Variants in WFDC8 observed in about 807,000 individuals in gnomAD.
WFDC8 encodes WAP four-disulfide core domain 8.
A neutral mutation model predicts 27.0 loss-of-function variants in WFDC8; 24 were observed. The ratio of observed to expected loss-of-function variants is 0.89; its 90% confidence interval spans 0.64 to 1.25. The LOEUF is 1.25. Ranked by LOEUF, WFDC8 falls within the 50% of genes most tolerant of loss-of-function variation. The probability of loss-of-function intolerance (pLI) is 0.00; values close to 1 mark genes in which losing one functional copy is unlikely to be tolerated. For missense variants in WFDC8, 287 were observed against 295.9 expected (o/e 0.97, Z 0.22); for synonymous variants, 106 against 99.7 (o/e 1.06, Z -0.38).
chr20:45,569,776 G>C (rs190834925), intron 1 of WFDC8, among the ~76,000 whole-genome samples: 1 of 152,220 alleles, frequency 6.6e-6, no homozygotes, highest in East Asian at 1.9e-4. Flanking sequence ...CAAAGACATA[G>C]AATTGACCTA....
intron 2 of WFDC8, among the ~76,000 whole-genome samples, chr20:45,561,739 C>CGTGTGTGT (rs10534885): frequency 6.3e-4 from 93 of 147,848 alleles, no homozygotes; most frequent in South Asian, 3.8e-3. Flanking sequence ...ATTAAACTTG[C>CGTGTGTGT]GTGTGTGTGT....
intron 1 of WFDC8, among the ~76,000 whole-genome samples, chr20:45,567,390 C>A (rs1450449507): frequency 6.6e-6 from 1 of 152,122 alleles, no homozygotes; most frequent in Middle Eastern, 3.2e-3. Context: ...GCAAATACAG[C>A]CAAATACCAG....
chr20:45,564,530 C>T (rs113318797), intron 1 of WFDC8, among the ~76,000 whole-genome samples: 113 of 152,156 alleles, frequency 7.4e-4, no homozygotes, highest in African/African-American at 2.6e-3. Flanking sequence ...AAAAATTAAC[C>T]GGGCGTGGTG....
chr20:45,555,595 A>T, intron 4 of WFDC8, 106 bp downstream of exon 4: 1 of 1,301,298 alleles, frequency 7.7e-7, no homozygotes, highest in East Asian at 2.3e-5. Context: ...GACAGAGCTA[A>T]GTCTTGAACC....
At chr20:45,573,765 C>A (rs944377308) in intron 1 of WFDC8, among the ~76,000 whole-genome samples, 2 of 152,122 alleles carry the variant, frequency 1.3e-5, no homozygotes, top group Admixed American at 6.6e-5. Flanking sequence ...TTCCCAAGAC[C>A]ATTTATCAGA....
chr20:45,553,289 C>T lies in WFDC8; in HGVS notation c.446-13G>A. On this transcript the variant is annotated splice_polypyrimidine_tract_variant and intron_variant, in intron 4 of 5. Transcript: ENST00000289953. ...TGTCCATCCTTAACTAAAATAAGAG[C>T]AGATGTGAGCTTCTTAAAACCCCAC... is the stretch of plus-strand genomic sequence containing the variant. 6.2e-7 allele frequency: 1 copy of T among 1,607,978 alleles called. No individual in the cohort carries two copies. Among genetic ancestry groups the T allele is most frequent in the South Asian group, 1.1e-5 (1 of 90,184 alleles).
chr20:45,579,095 A>C, intron 1 of WFDC8, 127 bp downstream of exon 1: 376 of 755,526 alleles, frequency 5.0e-4, no homozygotes, highest in Non-Finnish European at 6.9e-4. Context: ...GTTCTGTGGA[A>C]CCCCTCCTCA....
chr20:45,561,875 CTATA>C (rs760419975), intron 2 of WFDC8, among the ~76,000 whole-genome samples: 1 of 151,806 alleles, frequency 6.6e-6, no homozygotes, highest in Admixed American at 6.6e-5. Flanking sequence ...TAGATGCAAA[CTATA>C]TATATAGTCT....
chr20:45,562,030 A>C, intron 2 of WFDC8, 80 bp downstream of exon 2: 1 of 1,323,156 alleles, frequency 7.6e-7, no homozygotes, highest in South Asian at 1.3e-5. Context: ...CTCATCTGAC[A>C]CTGGCACTGG....
At chr20:45,575,038 G>A (rs961000511) in intron 1 of WFDC8, among the ~76,000 whole-genome samples, 1 of 152,062 alleles carries the variant, frequency 6.6e-6, no homozygotes, top group African/African-American at 2.4e-5. Context: ...ACACAATAAA[G>A]GCCAGATATG....
chr20:45,566,288 TATTG>T (rs1489911576), intron 1 of WFDC8, among the ~76,000 whole-genome samples: 1 of 152,200 alleles, frequency 6.6e-6, no homozygotes, highest in Non-Finnish European at 1.5e-5. Context: ...TTAATCAAGC[TATTG>T]ATTAATAATT....
At position 45,555,740 on chromosome 20, in the gene WFDC8, A is replaced by G; in HGVS notation, c.406T>C (p.Leu136=). 6.2e-7 allele frequency: 1 copy of G among 1,612,948 alleles called. No individual in the cohort carries two copies. Among genetic ancestry groups the G allele is most frequent in the South Asian group, 1.1e-5 (1 of 91,018 alleles). The change falls in exon 4 of 6, where the codon TTA becomes CTA. Residue 136 remains leucine (L), a synonymous_variant. Coordinates refer to ENST00000289953, the MANE Select transcript of WFDC8 (RefSeq NM_130896.3). The part of the protein sequence containing the change: ...RGCEGNANNF[L]NEDACRTACM... ...GCCGTTCTGCAGGCATCCTCATTTA[A>G]GAAGTTGTTGGCATTCCCTTCGCAG...
intron 1 of WFDC8, among the ~76,000 whole-genome samples, chr20:45,574,684 G>C (rs1246907592): frequency 6.6e-6 from 1 of 152,164 alleles, no homozygotes; most frequent in Non-Finnish European, 1.5e-5. Flanking sequence ...CATAATCCCA[G>C]CTACTTGAGA....
rs1470775121 is a variant in WFDC8 at position 45,553,380 on chromosome 20, T to C, written c.446-104A>G. ...AAAGCTAGTATCCCTTTCTGCAACT[T>C]GGTTCACCCTACCCTATCCATCTCC... On this transcript the variant is annotated intron_variant, in intron 4 of 5. Coordinates refer to ENST00000289953, the MANE Select transcript of WFDC8 (RefSeq NM_130896.3). The C allele has an allele frequency of 2.8e-6, 4 of 1,404,648 alleles. No individual in the cohort carries two copies. The African/African-American group carries it at 5.7e-5, about 20-fold the overall frequency. The allele number at this position is 1,404,648 out of a possible 1,614,324, so 87.0% of individuals were successfully genotyped here. A position where few individuals can be genotyped will look rare whatever the true frequency, so the allele number is the denominator to read the frequency against.
chr20:45,559,284 T>C (rs1569612), intron 2 of WFDC8, among the ~76,000 whole-genome samples: 58,241 of 151,938 alleles, frequency 0.38, 11,632 homozygotes, highest in Non-Finnish European at 0.43. Flanking sequence ...AGATTTTCTC[T>C]CTTCTTGAAA....
At chr20:45,576,222 G>A (rs6130860) in intron 1 of WFDC8, among the ~76,000 whole-genome samples, 1 of 150,660 alleles carries the variant, frequency 6.6e-6, no homozygotes, top group East Asian at 1.9e-4. Flanking sequence ...GTGTGTCAAG[G>A]GCCCTCAATA....
chr20:45,562,433 C>G (rs922209435), intron 1 of WFDC8, among the ~76,000 whole-genome samples: 1 of 152,158 alleles, frequency 6.6e-6, no homozygotes, highest in Non-Finnish European at 1.5e-5. Flanking sequence ...ATCCCCATAC[C>G]CTGCCATGGT....
At chr20:45,570,691 G>A (rs1486287654) in intron 1 of WFDC8, among the ~76,000 whole-genome samples, 5 of 152,132 alleles carry the variant, frequency 3.3e-5, no homozygotes, top group South Asian at 2.1e-4. Flanking sequence ...TGGTATTGCC[G>A]GGTTATGTGA....
At chr20:45,564,957 G>T (rs1980609351) in intron 1 of WFDC8, among the ~76,000 whole-genome samples, 1 of 96,632 alleles carries the variant, frequency 1.0e-5, no homozygotes, top group Non-Finnish European at 2.3e-5. Flanking sequence ...AAGAAGGAAG[G>T]AAGGAAGGAA....
Sources: allele counts gnomAD v4.1 joint callset (sites outside exome capture counted in the v4.1 genomes callset), GRCh38; gene constraint gnomAD v4.1.1; transcripts MANE v1.5; gene names NCBI Gene and HGNC (gene_info 2026-07-23, HGNC 2026-07-21).